Variants in GOLM2 observed in about 807,000 individuals in gnomAD.
GOLM2 encodes the protein protein GOLM2.
In GOLM2, 26 loss-of-function variants were observed where a neutral mutation model predicts 55.9. The observed-to-expected ratio is 0.47, with a 90% CI of 0.34 to 0.65. The LOEUF is 0.65. Ranked by LOEUF, GOLM2 falls within the 30% of genes least tolerant of loss-of-function variation. The pLI, the probability that GOLM2 is intolerant of heterozygous loss-of-function variation, is 0.01. For synonymous variants in GOLM2, 165 were observed against 194.6 expected, an observed-to-expected ratio of 0.85 and a Z score of 1.27; for missense variants, 486 against 531.8, an observed-to-expected ratio of 0.91 and a Z score of 0.85.
chr15:44,327,214 G>A (rs1196361488), intron 2 of GOLM2, among the ~76,000 whole-genome samples: 2 of 149,592 alleles, frequency 1.3e-5, no homozygotes, highest in Non-Finnish European at 3.0e-5. Flanking sequence ...ACCTCCCAAA[G>A]TGTTGGGATT....
Position 44,392,279 on chromosome 15 carries a change from T to A in GOLM2, c.1073-10608T>A, listed in dbSNP as rs546503333. ...AAGTTGGACAGCAAAACTAAGAATA[T>A]TATGAGAAAGAAAAATTATAGCAGT... On this transcript the variant is annotated intron_variant, in intron 8 of 9. Transcript: ENST00000299957. Among the ~76,000 whole-genome samples the A allele has an allele frequency of 3.3e-5, 5 of 152,050 alleles. No individual in the cohort carries two copies. In the South Asian group the frequency reaches 8.3e-4, roughly 25 times the overall value.
chr15:44,367,743 C>T (rs2079295623), intron 6 of GOLM2, among the ~76,000 whole-genome samples: 1 of 150,518 alleles, frequency 6.6e-6, no homozygotes, highest in South Asian at 2.1e-4. Flanking sequence ...TGCAGTGAGC[C>T]GAGACCACGC....
intron 6 of GOLM2, among the ~76,000 whole-genome samples, chr15:44,349,497 A>G (rs548780968): frequency 6.6e-6 from 1 of 152,362 alleles, no homozygotes; most frequent in Non-Finnish European, 1.5e-5. Flanking sequence ...ACATAAAGCA[A>G]ATATTAGAGC....
intron 8 of GOLM2, among the ~76,000 whole-genome samples, chr15:44,387,715 C>T (rs755663410): frequency 7.3e-5 from 11 of 150,654 alleles, no homozygotes; most frequent in African/African-American, 2.4e-4. Context: ...GAGCCAAGAT[C>T]GCGATACTGT....
chr15:44,395,032 C>T (rs1350144539), intron 8 of GOLM2, among the ~76,000 whole-genome samples: 2 of 149,458 alleles, frequency 1.3e-5, no homozygotes, highest in East Asian at 1.9e-4. Flanking sequence ...TTTTTTGAGA[C>T]GGAGTCTCGC....
chr15:44,405,758 C>A (rs562661349), intron 9 of GOLM2, among the ~76,000 whole-genome samples: 1 of 151,968 alleles, frequency 6.6e-6, no homozygotes, highest in Non-Finnish European at 1.5e-5. Context: ...GTAGCTGAGA[C>A]TACAGCCGTG....
At chr15:44,407,558 G>C (rs2079605820) in intron 9 of GOLM2, among the ~76,000 whole-genome samples, 1 of 151,758 alleles carries the variant, frequency 6.6e-6, no homozygotes, top group Non-Finnish European at 1.5e-5. Context: ...TTATAGGCAT[G>C]AGCCGCTGCA....
intron 9 of GOLM2, among the ~76,000 whole-genome samples, chr15:44,411,401 A>C (rs115427279): frequency 0.03 from 4,583 of 152,294 alleles, 245 homozygotes; most frequent in African/African-American, 0.1. Context: ...AGAAAACTAT[A>C]GTATACATAT....
At chr15:44,380,770 A>G (rs754198474) in intron 7 of GOLM2, 36 bp from the exon 8 acceptor site, 3 of 1,349,170 alleles carry the variant, frequency 2.2e-6, no homozygotes, top group Admixed American at 5.4e-5. Flanking sequence ...ATTAAATTAA[A>G]TTATATTCTT....
At chr15:44,345,389 G>C (rs1172169938) in intron 6 of GOLM2, among the ~76,000 whole-genome samples, 2 of 151,978 alleles carry the variant, frequency 1.3e-5, no homozygotes, top group African/African-American at 4.8e-5. Context: ...CCTCTGAGTA[G>C]CTGGGACTAC....
chr15:44,344,113 A>G (rs149706810), intron 6 of GOLM2, among the ~76,000 whole-genome samples: 1 of 151,778 alleles, frequency 6.6e-6, no homozygotes, highest in East Asian at 2.0e-4. Flanking sequence ...TAGAAAAATT[A>G]GCCAGTCATG....
intron 6 of GOLM2, among the ~76,000 whole-genome samples, chr15:44,379,081 C>G (rs2079384183): frequency 6.6e-6 from 1 of 152,140 alleles, no homozygotes; most frequent in South Asian, 2.1e-4. Context: ...TTGAACTTCT[C>G]TTACATGCTA....
At chr15:44,366,296 C>CAA (rs34413737) in intron 6 of GOLM2, among the ~76,000 whole-genome samples, 18 of 55,382 alleles carry the variant, frequency 3.3e-4, no homozygotes, top group East Asian at 8.3e-4. Flanking sequence ...GACTCCGTCT[C>CAA]AAAAAAAAAA....
chr15:44,374,532 G>A (rs904758656), intron 6 of GOLM2, among the ~76,000 whole-genome samples: 7 of 152,116 alleles, frequency 4.6e-5, no homozygotes, highest in African/African-American at 1.7e-4. Flanking sequence ...CAGAGACTGG[G>A]TAATTTATAA....
At chr15:44,314,237 AAAAAAAAAAAAAG>A (rs908122866) in intron 1 of GOLM2, among the ~76,000 whole-genome samples, 9 of 138,732 alleles carry the variant, frequency 6.5e-5, no homozygotes, top group South Asian at 2.2e-4. Context: ...ACTCCGTCTC[AAAAAAAAAAAAAG>A]AAAAGAAAAG....
chr15:44,292,197 A>G (rs992179971), intron 1 of GOLM2, among the ~76,000 whole-genome samples: 2 of 137,562 alleles, frequency 1.5e-5, no homozygotes, highest in Non-Finnish European at 3.0e-5. Context: ...ATATATATAT[A>G]TATATTTTTT....
At chr15:44,386,205 T>G (rs181729198) in intron 8 of GOLM2, among the ~76,000 whole-genome samples, 2 of 152,302 alleles carry the variant, frequency 1.3e-5, no homozygotes, top group Admixed American at 1.3e-4. Context: ...TAAAGTTAGT[T>G]TTTGTATATG....
At chr15:44,346,998 C>T (rs2079129608) in intron 6 of GOLM2, among the ~76,000 whole-genome samples, 1 of 151,968 alleles carries the variant, frequency 6.6e-6, no homozygotes, top group Non-Finnish European at 1.5e-5. Context: ...GTGGCACACA[C>T]CTGTAGTCCT....
At chr15:44,387,633 A>G (rs1460961780) in intron 8 of GOLM2, 2 of 152,186 alleles carry the variant, frequency 1.3e-5, no homozygotes, top group Non-Finnish European at 2.9e-5. Flanking sequence ...GCAGTGGCAA[A>G]TGCCTGTAAT....
Sources: gnomAD v4.1 joint callset for allele counts (sites outside exome capture counted in the v4.1 genomes callset) on GRCh38, gnomAD v4.1.1 for gene constraint, MANE v1.5 for transcripts, NCBI Gene and HGNC (gene_info 2026-07-23, HGNC 2026-07-21) for gene names.